The following BFSP1 variants were observed in gnomAD, a reference collection of about 807,000 sequenced individuals.
The protein encoded by BFSP1 is filensin.
BFSP1 carries 38 observed loss-of-function variants against 43.9 expected under a neutral mutation model. The observed-to-expected ratio is 0.87, with a 90% CI of 0.67 to 1.14. The LOEUF is 1.14. Ranked by LOEUF, BFSP1 falls within the 50% of genes most tolerant of loss-of-function variation. BFSP1 has a pLI of 0.00. For synonymous variants in BFSP1, 352 were observed against 354.8 expected, an observed-to-expected ratio of 0.99 and a Z score of 0.09; for missense variants, 850 against 875.1, an observed-to-expected ratio of 0.97 and a Z score of 0.36.
chr20:17,558,855 C>T (rs1367874531), exon 1 of BFSP1: 4 of 1,001,584 alleles, frequency 4.0e-6, no homozygotes, highest in Non-Finnish European at 5.6e-6. Context: ...TAGAGGTTTG[C>T]AGAGAGGAAG....
Position 17,494,705 on chromosome 20 carries a change from T to C in BFSP1, c.1367A>G (p.Lys456Arg), listed in dbSNP as rs2033587401. The change falls in exon 8 of 8, where the codon AAA becomes AGA. Residue 456 changes from lysine to arginine, a missense_variant. Coordinates refer to ENST00000377873, the MANE Select transcript of BFSP1 (RefSeq NM_001195.5). Reference sequence around the variant, plus strand: ...GAGCTCAGTGGGGGTCTCAGGCTCTTTGGGGCTTCTCACTTTCTCCTTGAC... The same window carrying C: ...GAGCTCAGTGGGGGTCTCAGGCTCTCTGGGGCTTCTCACTTTCTCCTTGAC... ...RKVKEKVRSPKEPETPTELYT... is the reference protein window; with the variant it reads ...RKVKEKVRSPREPETPTELYT... The C allele has an allele frequency of 1.9e-6, 3 of 1,557,602 alleles. No individual in the cohort carries two copies. The highest frequency in any genetic ancestry group is 3.0e-5 in the African/African-American group (2 of 67,214).
intron 1 of BFSP1, among the ~76,000 whole-genome samples, chr20:17,558,015 C>T (rs1260697975): frequency 6.6e-6 from 1 of 152,086 alleles, no homozygotes; most frequent in Admixed American, 6.6e-5. Flanking sequence ...AGGAGGACCC[C>T]AGCCATTATT....
rs1600653650 is a variant in BFSP1, at chr20:17,516,893, T to C, written c.439-2077A>G. The C allele has an allele frequency of 5.9e-6, 4 of 679,486 alleles. No individual in the cohort carries two copies. The East Asian group carries it at 9.9e-5, about 17-fold the overall frequency. The allele number at this position is 679,486 out of a possible 1,614,324, so 42.1% of individuals were successfully genotyped here. A position where few individuals can be genotyped will look rare whatever the true frequency, so the allele number is the denominator to read the frequency against. On this transcript the variant is annotated intron_variant, in intron 2 of 7. Coordinates refer to ENST00000377873, the MANE Select transcript of BFSP1 (RefSeq NM_001195.5). ...CAGGGAAGACCATCACCCTCAAGGT[T>C]GAACCCTCAGATACGATAGAAAATA...
Position 17,494,733 on chromosome 20 carries a change from T to G in BFSP1, c.1339A>C (p.Lys447Gln), listed in dbSNP as rs765144287. The G allele has an allele frequency of 3.2e-5, 52 of 1,613,998 alleles. No individual in the cohort carries two copies. The highest frequency in any genetic ancestry group is 4.2e-5 in the Non-Finnish European group (50 of 1,180,016). ...ISKGFGKLYR[K>Q]VKEKVRSPKE... ...GGGCTTCTCACTTTCTCCTTGACCT[T>G]CCTGTATAGTTTCCCAAAGCCTTTG... The change falls in exon 8 of 8, where the codon AAG becomes CAG. Residue 447 changes from lysine to glutamine, a missense_variant. Transcript: ENST00000377873.
intron 6 of BFSP1, among the ~76,000 whole-genome samples, chr20:17,497,617 C>T (rs112280651): frequency 6.9e-6 from 1 of 144,198 alleles, no homozygotes; most frequent in Admixed American, 7.0e-5. Context: ...CGTATATATA[C>T]ATATACACAC....
intron 1 of BFSP1, among the ~76,000 whole-genome samples, chr20:17,529,603 G>T (rs796830459): frequency 2.6e-5 from 4 of 152,028 alleles, no homozygotes; most frequent in African/African-American, 9.6e-5. Context: ...CCTTTTAAAA[G>T]ACTACATGAC....
At chr20:17,504,495 G>A (rs1378945447) in intron 5 of BFSP1, among the ~76,000 whole-genome samples, 1 of 152,100 alleles carries the variant, frequency 6.6e-6, no homozygotes, top group African/African-American at 2.4e-5. Flanking sequence ...CTAGAAGGCC[G>A]CAGTCCAGCA....
At chr20:17,503,456 T>C (rs1054214203) in intron 5 of BFSP1, among the ~76,000 whole-genome samples, 1 of 152,188 alleles carries the variant, frequency 6.6e-6, no homozygotes, top group African/African-American at 2.4e-5. Flanking sequence ...TGGGTGTGGG[T>C]TCCCCAGCCC....
upstream of BFSP1, among the ~76,000 whole-genome samples, chr20:17,560,104 A>AC (rs1429772518): frequency 6.6e-6 from 1 of 151,906 alleles, no homozygotes. Flanking sequence ...CCCTCCTGCT[A>AC]CCCCCGAGAA....
At chr20:17,560,360 C>T (rs1201884128), upstream of BFSP1, 1 of 152,184 alleles carries the variant, frequency 6.6e-6, no homozygotes, top group African/African-American at 2.4e-5. Context: ...CACTCACTTC[C>T]TTCCTCTGTG....
Position 17,510,346 on chromosome 20 carries a change from G to A in BFSP1, c.628-1350C>T, listed in dbSNP as rs571724732. Among the ~76,000 whole-genome samples, 9 of 152,300 alleles carry A rather than the reference G, an allele frequency of 5.9e-5. No individual in the cohort carries two copies. The East Asian group carries it at 1.5e-3, about 26-fold the overall frequency. On this transcript the variant is annotated intron_variant, in intron 4 of 7. Transcript: ENST00000377873. ...ATGATACAATTCAAAAGGTATGCTCGGATGTAAAACACCTTTGAGTTAGAG... is the reference window on the plus strand; with the variant it reads ...ATGATACAATTCAAAAGGTATGCTCAGATGTAAAACACCTTTGAGTTAGAG...
chr20:17,505,561 GGCGGTGT>G (rs1489070901), intron 5 of BFSP1, among the ~76,000 whole-genome samples: 2 of 152,212 alleles, frequency 1.3e-5, no homozygotes, highest in East Asian at 3.9e-4. Flanking sequence ...GGCCCTGCCC[GGCGGTGT>G]GCGGCCACAT....
At chr20:17,558,913 A>G (rs994065904) in exon 1 of BFSP1, 2 of 475,282 alleles carry the variant, frequency 4.2e-6, no homozygotes, top group African/African-American at 3.9e-5. Context: ...CACAGGATAG[A>G]GAATATAAAT....
chr20:17,526,828 G>A (rs2034434210), intron 1 of BFSP1, among the ~76,000 whole-genome samples: 1 of 152,150 alleles, frequency 6.6e-6, no homozygotes, highest in Non-Finnish European at 1.5e-5. Context: ...CTTATTTTCT[G>A]TTGTTTTTTG....
chr20:17,559,668 G>A (rs569501180), upstream of BFSP1, among the ~76,000 whole-genome samples: 1 of 152,282 alleles, frequency 6.6e-6, no homozygotes, highest in Admixed American at 6.5e-5. Context: ...TCAGATCAGC[G>A]GCGGCATTAG....
intron 1 of BFSP1, among the ~76,000 whole-genome samples, chr20:17,540,422 T>C (rs957308353): frequency 2.0e-5 from 3 of 152,098 alleles, no homozygotes; most frequent in African/African-American, 7.2e-5. Flanking sequence ...CCCTCATGTA[T>C]ATTAATGTAT....
chr20:17,502,775 C>T (rs866853142), intron 5 of BFSP1, among the ~76,000 whole-genome samples: 23 of 152,308 alleles, frequency 1.5e-4, no homozygotes, highest in Non-Finnish European at 2.4e-4. Context: ...TTCAAACAGT[C>T]GCCTGTAATA....
chr20:17,495,426 A>G (rs2033608648), intron 7 of BFSP1, among the ~76,000 whole-genome samples: 1 of 152,236 alleles, frequency 6.6e-6, no homozygotes, highest in South Asian at 2.1e-4. Flanking sequence ...GGATCCACAG[A>G]AGCCCATTCC....
intron 1 of BFSP1, chr20:17,558,560 GTCA>G: frequency 9.9e-7 from 1 of 1,009,032 alleles, no homozygotes; most frequent in Non-Finnish European, 1.4e-6. Flanking sequence ...ATTTCCATGA[GTCA>G]TAAAACAAAT....
Sources: gnomAD v4.1 joint callset for allele counts (sites outside exome capture counted in the v4.1 genomes callset) on GRCh38, gnomAD v4.1.1 for gene constraint, MANE v1.5 for transcripts, NCBI Gene and HGNC (gene_info 2026-07-23, HGNC 2026-07-21) for gene names.